PCDHGB2: variants seen among roughly 807,000 people sequenced by gnomAD.
PCDHGB2 encodes the protein protocadherin gamma-B2.
Under a neutral mutation model 59.3 loss-of-function variants are expected in PCDHGB2, and 55 were observed. That is an observed-to-expected ratio of 0.93 (90% confidence interval 0.75 to 1.16). PCDHGB2 has a LOEUF of 1.16. Among genes scored for constraint, PCDHGB2 ranks in the 50% most tolerant of loss-of-function variants. The probability of loss-of-function intolerance (pLI) is 0.00; values close to 1 mark genes in which losing one functional copy is unlikely to be tolerated. For synonymous variants in PCDHGB2, 516 were observed against 512.0 expected, an observed-to-expected ratio of 1.01 and a Z score of -0.11; for missense variants, 1,228 against 1,198.5, an observed-to-expected ratio of 1.02 and a Z score of -0.36.
chr5:141,427,974 G>T, intron 1 of PCDHGB2: 1 of 1,594,576 alleles, frequency 6.3e-7, no homozygotes, highest in South Asian at 1.1e-5. Flanking sequence ...GCTGTACCCC[G>T]CGCTGGGGCC....
rs148641580 is a variant in PCDHGB2 at position 141,437,874 on chromosome 5, A to C, written c.2422-56933A>C. 3.9e-4 allele frequency among the ~76,000 whole-genome samples: 59 copies of C among 151,954 alleles called. 1 individual carries two copies. In the East Asian group the frequency reaches 5.8e-3, roughly 15 times the overall value. Reference sequence around the variant, plus strand: ...TGCCTTAGCCTCCCGAGTAGCTGGGACTACAGGCACACGCCACCACACCCA... The same window carrying C: ...TGCCTTAGCCTCCCGAGTAGCTGGGCCTACAGGCACACGCCACCACACCCA... On this transcript the variant is annotated intron_variant, in intron 1 of 3. Transcript: ENST00000522605.
intron 1 of PCDHGB2, among the ~76,000 whole-genome samples, chr5:141,455,904 TTTATTTA>T: frequency 6.8e-6 from 1 of 147,982 alleles, no homozygotes. Flanking sequence ...TATTTATTTA[TTTATTTA>T]TTTTGAGACG....
intron 1 of PCDHGB2, among the ~76,000 whole-genome samples, chr5:141,469,375 G>C (rs942714664): frequency 2.0e-5 from 3 of 152,076 alleles, no homozygotes; most frequent in African/African-American, 7.2e-5. Flanking sequence ...AAGAGATCGA[G>C]ACCATCCTGG....
In PCDHGB2 at chr5:141,431,937, A is replaced by T; in HGVS notation, c.2422-62870A>T. On this transcript the variant is annotated intron_variant, in intron 1 of 3. Coordinates refer to ENST00000522605, the MANE Select transcript of PCDHGB2 (RefSeq NM_018923.3). The surrounding 1 kb of genome is among the most constrained non-coding windows in gnomAD (Gnocchi z 4.8). ...TTCATCCAAGGAAATCTGCCCTTTAAATTAGAAAAATCTTACGGAAATTAC... is the reference window on the plus strand; with the variant it reads ...TTCATCCAAGGAAATCTGCCCTTTATATTAGAAAAATCTTACGGAAATTAC... The T allele has an allele frequency of 6.2e-7, 1 of 1,614,144 alleles. No individual in the cohort carries two copies. The highest frequency in any genetic ancestry group is 8.5e-7 in the Non-Finnish European group (1 of 1,180,014).
intron 1 of PCDHGB2, among the ~76,000 whole-genome samples, chr5:141,470,842 C>A (rs2099241464): frequency 6.6e-6 from 1 of 152,044 alleles, no homozygotes; most frequent in Non-Finnish European, 1.5e-5. Context: ...CACACGCCAC[C>A]ATGCTCAGAT....
intron 1 of PCDHGB2, chr5:141,418,426 C>A: frequency 6.2e-7 from 1 of 1,613,948 alleles, no homozygotes; most frequent in South Asian, 1.1e-5. Flanking sequence ...CTGATGGTGG[C>A]AAATATCCAG....
At chr5:141,399,001 T>C in intron 1 of PCDHGB2, 1 of 1,613,890 alleles carries the variant, frequency 6.2e-7, no homozygotes, top group Non-Finnish European at 8.5e-7. Context: ...TAGTCTGAAT[T>C]CAAAGAGCGG....
Position 141,370,495 on chromosome 5 carries a change from G to A in PCDHGB2, c.2421+7939G>A, listed in dbSNP as rs1766967329. The stretch of plus-strand genomic sequence containing the variant: ...GACCAGGCTCTCTCCGAACCGATCC[G>A]CTACGCTATTCCCGAGGAGCTGGAC... On this transcript the variant is annotated intron_variant, in intron 1 of 3. Transcript: ENST00000522605. The A allele has an allele frequency of 3.1e-6, 5 of 1,613,782 alleles. No individual in the cohort carries two copies. Among genetic ancestry groups the A allele is most frequent in the African/African-American group, 1.3e-5 (1 of 74,914 alleles).
intron 1 of PCDHGB2, chr5:141,376,677 T>TTTG: frequency 3.8e-5 from 4 of 105,314 alleles, no homozygotes; most frequent in Non-Finnish European, 3.0e-5. Context: ...GAGGGTATCG[T>TTTG]TTTTTTTTTT....
intron 1 of PCDHGB2, chr5:141,478,233 T>G: frequency 6.2e-7 from 1 of 1,614,126 alleles, no homozygotes. Context: ...GTGGGGTTTG[T>G]GGTCACAGTG....
At chr5:141,375,021 G>C (rs780712160) in intron 1 of PCDHGB2, 3 of 1,614,036 alleles carry the variant, frequency 1.9e-6, no homozygotes, top group Non-Finnish European at 2.5e-6. Context: ...GAGGACTCGA[G>C]TTTTTATGAG....
intron 1 of PCDHGB2, chr5:141,375,655 G>T: frequency 6.2e-7 from 1 of 1,614,246 alleles, no homozygotes; most frequent in Non-Finnish European, 8.5e-7. Flanking sequence ...ACTATGAGCA[G>T]TTGAGAGACC....
Position 141,360,899 on chromosome 5 carries a change from T to G in PCDHGB2, c.764T>G (p.Val255Gly). ...DVYRVTLRED[V>G]PPGFFVLQVT... ...TACAGGGTCACCCTGAGGGAGGACG[T>G]GCCGCCGGGCTTCTTTGTGCTTCAA... is the stretch of plus-strand genomic sequence containing the variant. The change falls in exon 1 of 4, where the codon GTG (valine) becomes GGG (glycine). Residue 255 changes from valine to glycine, a missense_variant. Coordinates refer to ENST00000522605, the MANE Select transcript of PCDHGB2 (RefSeq NM_018923.3). 1 of 1,614,042 alleles carries G rather than the reference T, an allele frequency of 6.2e-7. No individual in the cohort carries two copies. Among genetic ancestry groups the G allele is most frequent in the South Asian group, 1.1e-5 (1 of 91,090 alleles).
At chr5:141,424,698 T>G (rs1214214315) in intron 1 of PCDHGB2, 1 of 152,228 alleles carries the variant, frequency 6.6e-6, no homozygotes, top group Non-Finnish European at 1.5e-5. Context: ...GCTATTTTTT[T>G]GTTCATTTTC....
intron 1 of PCDHGB2, chr5:141,421,090 G>C (rs552694052): frequency 1.5e-6 from 1 of 661,192 alleles, no homozygotes; most frequent in Admixed American, 3.2e-5. Context: ...CACAGATCCT[G>C]ACACTGGAGA....
chr5:141,372,754 G>A (rs201408759), intron 1 of PCDHGB2: 907 of 1,612,900 alleles, frequency 5.6e-4, no homozygotes, highest in Non-Finnish European at 7.2e-4. Flanking sequence ...GAAGCCTCTT[G>A]GTTTGAAAGT....
chr5:141,408,155 C>T (rs1355335396), intron 1 of PCDHGB2: 2 of 1,511,456 alleles, frequency 1.3e-6, no homozygotes, highest in Non-Finnish European at 1.8e-6. Flanking sequence ...GTAGAGTGCA[C>T]TTTCTCCAAC....
chr5:141,382,869 T>C (rs887588063), intron 1 of PCDHGB2: 1 of 1,519,592 alleles, frequency 6.6e-7, no homozygotes, highest in Non-Finnish European at 8.8e-7. Flanking sequence ...CTTCCCGAGA[T>C]CGGCGCCTAA....
At chr5:141,406,072 C>CT (rs530474569) in intron 1 of PCDHGB2, among the ~76,000 whole-genome samples, 26,413 of 141,282 alleles carry the variant, frequency 0.19, 2,878 homozygotes, top group African/African-American at 0.31. Context: ...ATTCTTACTC[C>CT]TTTTTTTTTT....
Sources: gnomAD v4.1 joint callset for allele counts (sites outside exome capture counted in the v4.1 genomes callset) on GRCh38, gnomAD v4.1.1 for gene constraint, Gnocchi (gnomAD v3.1) non-coding constraint, MANE v1.5 for transcripts, NCBI Gene and HGNC (gene_info 2026-07-23, HGNC 2026-07-21) for gene names.